CFHR4: variants seen among roughly 807,000 people sequenced by gnomAD.
The protein encoded by CFHR4 is complement factor H-related protein 4.
In CFHR4, 64 loss-of-function variants were observed where a neutral mutation model predicts 69.3. That is an observed-to-expected ratio of 0.92 (90% CI 0.76 to 1.14). The LOEUF (loss-of-function observed/expected upper bound fraction) is 1.14. CFHR4 is among the 50% of genes most tolerant of loss of function. The pLI, the probability that CFHR4 is intolerant of heterozygous loss-of-function variation, is 0.00. For missense variants in CFHR4, 636 were observed against 684.9 expected, an observed-to-expected ratio of 0.93 and a Z score of 0.80; for synonymous variants, 244 against 237.0, an observed-to-expected ratio of 1.03 and a Z score of -0.27.
In CFHR4 at chr1:196,904,877, A is replaced by G. The variant is rs145685108; in HGVS notation, c.257-231A>G. ...AGATCTGCATTCCTCAAGGCCTGCC[A>G]GAGCTCTGTTGACAGTCTCAAAGAT... On this transcript the variant is annotated intron_variant, in intron 2 of 9. Transcript: ENST00000608469. Among the ~76,000 whole-genome samples the G allele has an allele frequency of 7.9e-5, 12 of 151,688 alleles. 1 individual carries two copies. Among genetic ancestry groups the G allele is most frequent in the African/African-American group, 2.9e-4 (12 of 41,234 alleles).
chr1:196,914,507 T>C lies in CFHR4; in HGVS notation c.1193T>C (p.Met398Thr), dbSNP rs745879615. The part of the protein sequence containing the change: ...AQPICIKFCD[M>T]PVFENSRAKS... Reference sequence around the variant, plus strand: ...TATTTTGTTTCAGAATTTTGTGATATGCCTGTTTTTGAGAATTCCAGAGCC... The same window carrying C: ...TATTTTGTTTCAGAATTTTGTGATACGCCTGTTTTTGAGAATTCCAGAGCC... The change falls in exon 8 of 10, where the codon ATG (methionine) becomes ACG (threonine). Residue 398 changes from methionine (M) to threonine (T), a missense_variant. Physicochemically the swap from Met to Thr is moderately conservative, Grantham distance 81 (BLOSUM62 -1). This residue lies in a region of CFHR4 where 529 missense variants were observed against 533.2 expected (regional missense o/e 0.99). Transcript: ENST00000608469. 10 of 1,605,828 alleles carry C rather than the reference T, an allele frequency of 6.2e-6. No individual in the cohort carries two copies. Among genetic ancestry groups the C allele is most frequent in the Non-Finnish European group, 8.5e-6 (10 of 1,176,930 alleles).
Position 196,893,476 on chromosome 1 carries a change from A to C in CFHR4, c.58+5268A>C, listed in dbSNP as rs193209511. Among the ~76,000 whole-genome samples, 241 of 151,786 alleles carry C rather than the reference A, an allele frequency of 1.6e-3. 4 individuals carry two copies. The highest frequency in any genetic ancestry group is 7.2e-3 in the Admixed American group (110 of 15,236). The stretch of plus-strand genomic sequence containing the variant: ...CCACATTTTAAGTGGTATGATTCAA[A>C]ATTACACATACAAACTTTGTTTTAA... On this transcript the variant is annotated intron_variant, in intron 1 of 9. Transcript: ENST00000608469.
At chr1:196,898,295 C>T (rs1010178055) in intron 1 of CFHR4, among the ~76,000 whole-genome samples, 2 of 151,426 alleles carry the variant, frequency 1.3e-5, no homozygotes. Flanking sequence ...TACCTACGTG[C>T]TCCAGGATGT....
chr1:196,897,627 C>T (rs1002131854), intron 1 of CFHR4, among the ~76,000 whole-genome samples: 1 of 151,356 alleles, frequency 6.6e-6, no homozygotes, highest in Non-Finnish European at 1.5e-5. Flanking sequence ...GGCCACCCAG[C>T]GGCCAGATTT....
At position 196,911,619 on chromosome 1, in the gene CFHR4, A is replaced by C. The variant is rs538482975; in HGVS notation, c.998-1121A>C. 2.2e-4 allele frequency among the ~76,000 whole-genome samples: 34 copies of C among 151,566 alleles called. 1 individual carries two copies. The highest frequency in any genetic ancestry group is 6.8e-4 in the African/African-American group (28 of 41,206). ...TTGCTTGCAATTTACCAAACATTCC[A>C]TTATAGAAACCATATGAATATTATG... On this transcript the variant is annotated intron_variant, in intron 6 of 9. Coordinates refer to ENST00000608469, the MANE Select transcript of CFHR4 (RefSeq NM_001201550.3).
rs775856781 is a variant in CFHR4 at position 196,910,404 on chromosome 1, T to C, written c.923T>C (p.Val308Ala). 7.4e-6 allele frequency: 12 copies of C among 1,612,564 alleles called. No individual in the cohort carries two copies. Among genetic ancestry groups the C allele is most frequent in the Middle Eastern group, 1.7e-4 (1 of 6,054 alleles). The change falls in exon 6 of 10, where the codon GTG (valine) becomes GCG (alanine). Residue 308 changes from valine (V) to alanine (A), a missense_variant. By Grantham distance (64) the Val-to-Ala change is moderately conservative (BLOSUM62 0). Around this residue, in one of 3 missense-constraint regions of CFHR4, gnomAD observed 529 missense variants for 533.2 expected, o/e 0.99. Transcript: ENST00000608469. ...TCCTATTACTGTGACCAAAATTTTGTGACTCCTTCAGGAAGTTACTGGGAT... is the reference window on the plus strand; with the variant it reads ...TCCTATTACTGTGACCAAAATTTTGCGACTCCTTCAGGAAGTTACTGGGAT... ...SYSYYCDQNF[V>A]TPSGSYWDYI...
chr1:196,889,202 GAT>G (rs1656888961), intron 1 of CFHR4, among the ~76,000 whole-genome samples: 2 of 151,260 alleles, frequency 1.3e-5, no homozygotes, highest in Non-Finnish European at 2.9e-5. Context: ...CACTTTATTT[GAT>G]TCTAAGTAAA....
intron 5 of CFHR4, among the ~76,000 whole-genome samples, chr1:196,908,257 T>G (rs911519560): frequency 2.6e-5 from 4 of 151,254 alleles, no homozygotes; most frequent in Admixed American, 1.3e-4. Flanking sequence ...TGTATTCCTA[T>G]GTAAAAAAAC....
At chr1:196,909,879 C>T (rs545038231) in intron 5 of CFHR4, among the ~76,000 whole-genome samples, 4 of 151,164 alleles carry the variant, frequency 2.6e-5, no homozygotes, top group Admixed American at 6.6e-5. Flanking sequence ...CAGCCAGGCG[C>T]GGTGGCTCAC....
chr1:196,911,609 CA>C (rs1658272765), intron 6 of CFHR4, among the ~76,000 whole-genome samples: 1 of 151,160 alleles, frequency 6.6e-6, no homozygotes, highest in African/African-American at 2.4e-5. Flanking sequence ...TGCAATTTAC[CA>C]AACATTCCAT....
At position 196,905,166 on chromosome 1, in the gene CFHR4, T is replaced by C; in HGVS notation, c.315T>C (p.Ser105=). The C allele has an allele frequency of 1.2e-6, 2 of 1,608,382 alleles. No homozygotes were observed. The highest frequency in any genetic ancestry group is 2.2e-5 in the East Asian group (1 of 44,632). Residue 105 remains serine (S), a synonymous_variant, in exon 3 of 10, where the codon TCT becomes TCC. Coordinates refer to ENST00000608469, the MANE Select transcript of CFHR4 (RefSeq NM_001201550.3). ...IENGFISESS[S]IYILNEETQY... ...ATGGATTCATTTCTGAATCTTCCTC[T>C]ATTTATATTTTAAATGAAGAAACAC...
intron 6 of CFHR4, among the ~76,000 whole-genome samples, chr1:196,912,178 C>T (rs934545800): frequency 6.6e-6 from 1 of 151,270 alleles, no homozygotes; most frequent in Non-Finnish European, 1.5e-5. Context: ...TTTTTGCTAT[C>T]TTATTTGCTT....
chr1:196,914,856 A>T, intron 8 of CFHR4, 100 bp from the exon 9 acceptor site: 1 of 1,513,598 alleles, frequency 6.6e-7, no homozygotes, highest in East Asian at 2.3e-5. Flanking sequence ...CTTCCTAAGA[A>T]ATCAAATAAG....
At position 196,889,849 on chromosome 1, in the gene CFHR4, A is replaced by G. The variant is rs115258311; in HGVS notation, c.58+1641A>G. Among the ~76,000 whole-genome samples the G allele has an allele frequency of 6.8e-3, 1,033 of 151,552 alleles. 38 individuals carry two copies. Among genetic ancestry groups the G allele is most frequent in the African/African-American group, 0.024 (991 of 41,156 alleles). On this transcript the variant is annotated intron_variant, in intron 1 of 9. Coordinates refer to ENST00000608469, the MANE Select transcript of CFHR4 (RefSeq NM_001201550.3). ...ACCTACTCCAATATAACTGGTGTCA[A>G]TAAGAAGAGAAAATAAGGACACACC... is the stretch of plus-strand genomic sequence containing the variant.
In CFHR4 at chr1:196,914,583, C is replaced by T. The variant is rs370096580; in HGVS notation, c.1269C>T (p.Cys423=). The change falls in exon 8 of 10, where the codon TGC becomes TGT. Residue 423 remains cysteine, a synonymous_variant. Coordinates refer to ENST00000608469, the MANE Select transcript of CFHR4 (RefSeq NM_001201550.3). ...FKLHDTLDYE[C]YDGYEISYGN... is the part of the protein sequence containing the mutation. Reference sequence around the variant, plus strand: ...TCCATGACACATTGGACTACGAATGCTACGATGGATATGAAATCAGTTATG... The same window carrying T: ...TCCATGACACATTGGACTACGAATGTTACGATGGATATGAAATCAGTTATG... The T allele has an allele frequency of 1.4e-5, 22 of 1,611,556 alleles. 1 individual carries two copies. The African/African-American group carries it at 2.3e-4, about 17-fold the overall frequency.
chr1:196,893,848 T>C (rs901115082), intron 1 of CFHR4, among the ~76,000 whole-genome samples: 2 of 151,556 alleles, frequency 1.3e-5, no homozygotes, highest in African/African-American at 4.9e-5. Context: ...AAAGTTTATG[T>C]CTTGTTCACA....
chr1:196,897,114 G>GACTGA (rs1657341696), intron 1 of CFHR4, among the ~76,000 whole-genome samples: 1 of 151,548 alleles, frequency 6.6e-6, no homozygotes, highest in South Asian at 2.1e-4. Flanking sequence ...AAAAGAAAAG[G>GACTGA]ACTGAACTGG....
chr1:196,900,922 C>T (rs967749122), intron 1 of CFHR4, among the ~76,000 whole-genome samples: 3 of 151,212 alleles, frequency 2.0e-5, no homozygotes, highest in Non-Finnish European at 4.4e-5. Context: ...AGTTATTGTT[C>T]CCAGGTCTTT....
chr1:196,901,927 T>C (rs114720006), intron 1 of CFHR4, among the ~76,000 whole-genome samples: 3,196 of 151,484 alleles, frequency 0.021, 186 homozygotes, highest in African/African-American at 0.072. Context: ...GAGACATGAA[T>C]TAGCAATATT....
Sources: gnomAD v4.1 joint callset for allele counts (sites outside exome capture counted in the v4.1 genomes callset) on GRCh38, gnomAD v4.1.1 for gene constraint, gnomAD v4.1.1 regional missense constraint, MANE v1.5 for transcripts, NCBI Gene and HGNC (gene_info 2026-07-23, HGNC 2026-07-21) for gene names.